MYT1L: variants seen among roughly 807,000 people sequenced by gnomAD.
The protein encoded by MYT1L is myelin transcription factor 1-like protein.
A neutral mutation model predicts 126.7 loss-of-function variants in MYT1L; 12 were observed. The ratio of observed to expected loss-of-function variants is 0.09; its 90% CI spans 0.06 to 0.15. The LOEUF (loss-of-function observed/expected upper bound fraction) is 0.15, where lower values mean the gene tolerates loss of function less well. Among genes scored for constraint, MYT1L ranks in the 10% least tolerant of loss-of-function variants. The pLI, the probability that MYT1L is intolerant of heterozygous loss-of-function variation, is 1.00. For synonymous variants in MYT1L, 541 were observed against 604.2 expected (o/e 0.90, Z 1.53); for missense variants, 979 against 1,585.2 (o/e 0.62, Z 6.49).
At chr2:2,167,735 A>G (rs908509709) in intron 3 of MYT1L, among the ~76,000 whole-genome samples, 10 of 152,202 alleles carry the variant, frequency 6.6e-5, no homozygotes, top group African/African-American at 2.4e-4. Context: ...CTTCTCCAGG[A>G]ACACTCAGAT....
intron 4 of MYT1L, among the ~76,000 whole-genome samples, chr2:2,045,562 C>T (rs1245902718): frequency 6.6e-6 from 1 of 152,248 alleles, no homozygotes; most frequent in African/African-American, 2.4e-5. Flanking sequence ...TTTGCTCACC[C>T]CTCTCATATT....
chr2:1,863,245 G>A (rs2044954374), intron 18 of MYT1L, among the ~76,000 whole-genome samples: 2 of 152,106 alleles, frequency 1.3e-5, no homozygotes, highest in Non-Finnish European at 2.9e-5. Context: ...CTGTTTTCAC[G>A]GATCCTGTGG....
intron 3 of MYT1L, among the ~76,000 whole-genome samples, chr2:2,125,491 C>T (rs1437452373): frequency 1.3e-5 from 2 of 152,162 alleles, no homozygotes; most frequent in Non-Finnish European, 2.9e-5. Flanking sequence ...ACATTCTGCT[C>T]ACCTGTGTAT....
chr2:2,120,496 T>C (rs1036350503), intron 3 of MYT1L, among the ~76,000 whole-genome samples: 1 of 152,110 alleles, frequency 6.6e-6, no homozygotes, highest in Non-Finnish European at 1.5e-5. Flanking sequence ...TTTTTAAAAA[T>C]CATTGTAAAG....
chr2:2,156,745 G>A (rs2086790906), intron 3 of MYT1L, among the ~76,000 whole-genome samples: 1 of 152,126 alleles, frequency 6.6e-6, no homozygotes, highest in South Asian at 2.1e-4. Context: ...GGCCTCCGGG[G>A]CCCCAGGGAC....
At chr2:2,025,407 T>G (rs2065439491) in intron 4 of MYT1L, among the ~76,000 whole-genome samples, 1 of 152,228 alleles carries the variant, frequency 6.6e-6, no homozygotes, top group Non-Finnish European at 1.5e-5. Context: ...GTGCTGTGTT[T>G]ATCTTGTCTG....
intron 2 of MYT1L, among the ~76,000 whole-genome samples, chr2:2,218,273 A>T (rs545111270): frequency 2.6e-5 from 4 of 152,206 alleles, no homozygotes; most frequent in South Asian, 2.1e-4. Context: ...TTAAAATTTC[A>T]TAGCAACTTA....
intron 4 of MYT1L, among the ~76,000 whole-genome samples, chr2:2,015,364 C>G (rs533243489): frequency 3.9e-5 from 6 of 152,290 alleles, no homozygotes; most frequent in African/African-American, 1.4e-4. Context: ...CACGTTCTTG[C>G]ATGGTTGTTG....
chr2:2,024,720 C>G (rs778323218), intron 4 of MYT1L, among the ~76,000 whole-genome samples: 9 of 152,222 alleles, frequency 5.9e-5, no homozygotes, highest in Non-Finnish European at 1.5e-5. Context: ...CCAGTGACAG[C>G]TCATCCTAAG....
At chr2:2,121,821 C>G (rs185914501) in intron 3 of MYT1L, among the ~76,000 whole-genome samples, 7 of 152,248 alleles carry the variant, frequency 4.6e-5, no homozygotes, top group Non-Finnish European at 8.8e-5. Context: ...ATGCAGTCTT[C>G]GTCCTCCCAC....
chr2:2,056,329 G>C (rs987301173), intron 3 of MYT1L, among the ~76,000 whole-genome samples: 2 of 152,184 alleles, frequency 1.3e-5, no homozygotes, highest in African/African-American at 4.8e-5. Context: ...GGAGGAAGGG[G>C]AGTTAGAGTA....
At chr2:2,323,215 T>C (rs911044928) in intron 1 of MYT1L, among the ~76,000 whole-genome samples, 2 of 152,162 alleles carry the variant, frequency 1.3e-5, no homozygotes, top group Non-Finnish European at 2.9e-5. Flanking sequence ...TGAAAAGATA[T>C]ATTTTTTTAA....
intron 5 of MYT1L, among the ~76,000 whole-genome samples, chr2:1,986,848 G>A (rs900113505): frequency 6.6e-6 from 1 of 152,166 alleles, no homozygotes; most frequent in African/African-American, 2.4e-5. Flanking sequence ...ATGAGCTGGA[G>A]CCTCTTTCAG....
intron 3 of MYT1L, among the ~76,000 whole-genome samples, chr2:2,086,873 C>T (rs1048103916): frequency 1.3e-5 from 2 of 152,334 alleles, no homozygotes; most frequent in African/African-American, 4.8e-5. Flanking sequence ...ACTGCTCCTG[C>T]CTCACAGCTC....
chr2:2,290,837 C>T (rs2149459518), intron 1 of MYT1L, among the ~76,000 whole-genome samples: 1 of 152,204 alleles, frequency 6.6e-6, no homozygotes, highest in East Asian at 1.9e-4. Context: ...TGATGTGTGG[C>T]CAGGGCTAAG....
intron 8 of MYT1L, among the ~76,000 whole-genome samples, chr2:1,971,127 C>T (rs182868399): frequency 6.6e-6 from 1 of 152,276 alleles, no homozygotes; most frequent in East Asian, 1.9e-4. Context: ...CTGCAGTGAG[C>T]TATGATCAGG....
intron 21 of MYT1L, among the ~76,000 whole-genome samples, chr2:1,832,687 C>G (rs1232254944): frequency 2.0e-5 from 3 of 152,174 alleles, no homozygotes; most frequent in Non-Finnish European, 2.9e-5. Flanking sequence ...ATTCAAAGCC[C>G]GGACTCCAAG....
intron 21 of MYT1L, among the ~76,000 whole-genome samples, chr2:1,837,064 C>T (rs1173136679): frequency 6.6e-6 from 1 of 152,020 alleles, no homozygotes; most frequent in Admixed American, 6.5e-5. Flanking sequence ...CTGCTTCCCA[C>T]CTCAGTGGCT....
At chr2:2,260,137 A>G (rs909615179) in intron 2 of MYT1L, among the ~76,000 whole-genome samples, 24 of 152,284 alleles carry the variant, frequency 1.6e-4, no homozygotes, top group Non-Finnish European at 2.8e-4. Flanking sequence ...TACATTACAG[A>G]GAGAAACAGG....
Sources: allele counts gnomAD v4.1 joint callset (sites outside exome capture counted in the v4.1 genomes callset), GRCh38; gene constraint gnomAD v4.1.1; transcripts MANE v1.5; gene names NCBI Gene and HGNC (gene_info 2026-07-23, HGNC 2026-07-21).